Variants in EFR3B observed in about 807,000 individuals in gnomAD.
EFR3B encodes the protein protein EFR3 homolog B.
A neutral mutation model predicts 104.7 loss-of-function variants in EFR3B; 64 were observed. The observed-to-expected ratio is 0.61, with a 90% CI of 0.50 to 0.75. The LOEUF is 0.75. Ranked by LOEUF, EFR3B falls within the 30% of genes least tolerant of loss-of-function variation. The pLI is 0.00. For missense variants in EFR3B, 750 were observed against 1,078.5 expected, an observed-to-expected ratio of 0.70 and a Z score of 4.27; for synonymous variants, 385 against 417.9, an observed-to-expected ratio of 0.92 and a Z score of 0.96.
At chr2:25,120,645 AAAC>A (rs113749302) in intron 4 of EFR3B, among the ~76,000 whole-genome samples, 29,670 of 151,560 alleles carry the variant, frequency 0.2, 3,578 homozygotes, top group Admixed American at 0.35. Flanking sequence ...TCCGTCTCAA[AAAC>A]AACAACAACA....
chr2:25,061,488 G>A (rs940844430), intron 1 of EFR3B, among the ~76,000 whole-genome samples: 2 of 150,988 alleles, frequency 1.3e-5, no homozygotes, highest in South Asian at 2.1e-4. Context: ...ACACCAATAA[G>A]CTTTATTTAC....
At position 25,091,282 on chromosome 2, in the gene EFR3B, G is replaced by C. The variant is rs754666207; in HGVS notation, c.8-43G>C. On this transcript the variant is annotated intron_variant, in intron 1 of 22. Coordinates refer to ENST00000403714, the MANE Select transcript of EFR3B (RefSeq NM_014971.2). Reference sequence around the variant, plus strand: ...CCTGGCTCCAACCTTTCCTGGGCCCGACCAGGAGGCTTTGCTCACAGTTTT... The same window carrying C: ...CCTGGCTCCAACCTTTCCTGGGCCCCACCAGGAGGCTTTGCTCACAGTTTT... 3.2e-6 allele frequency: 5 copies of C among 1,541,048 alleles called. No homozygotes were observed. In the South Asian group the frequency reaches 4.8e-5, roughly 15 times the overall value.
chr2:25,048,873 T>C (rs1366021617), intron 1 of EFR3B, among the ~76,000 whole-genome samples: 1 of 152,216 alleles, frequency 6.6e-6, no homozygotes, highest in Non-Finnish European at 1.5e-5. Flanking sequence ...CTCTGTCTTG[T>C]GTCTTTATTT....
intron 19 of EFR3B, chr2:25,145,872 C>G (rs1670797585): frequency 6.6e-6 from 1 of 151,886 alleles, no homozygotes; most frequent in African/African-American, 2.4e-5. Context: ...TGGTGCATTT[C>G]TTACAGTTCA....
chr2:25,133,277 C>A, intron 11 of EFR3B, 106 bp from the exon 12 acceptor site: 1 of 1,258,764 alleles, frequency 7.9e-7, no homozygotes, highest in African/African-American at 1.5e-5. Flanking sequence ...GGTAACCCAA[C>A]ACGATAAGCC....
intron 1 of EFR3B, among the ~76,000 whole-genome samples, chr2:25,069,866 T>G (rs956458566): frequency 3.9e-5 from 6 of 152,094 alleles, no homozygotes; most frequent in Non-Finnish European, 8.8e-5. Context: ...CTGGCTAATT[T>G]TTTTGTATTT....
intron 12 of EFR3B, among the ~76,000 whole-genome samples, chr2:25,133,942 A>G (rs72852533): frequency 0.061 from 9,355 of 152,236 alleles, 715 homozygotes; most frequent in East Asian, 0.3. Context: ...TTCCGATGAC[A>G]GTCTTGTGAT....
At chr2:25,105,605 C>T (rs1419599113) in intron 4 of EFR3B, among the ~76,000 whole-genome samples, 2 of 152,210 alleles carry the variant, frequency 1.3e-5, no homozygotes, top group African/African-American at 4.8e-5. Context: ...GAGCCAGCTG[C>T]CTTTGACACA....
rs2149215148 is a variant in EFR3B at position 25,151,957 on chromosome 2, G to A, written c.2235G>A (p.Arg745=). 1 of 1,551,744 alleles carries A rather than the reference G, an allele frequency of 6.4e-7. No individual in the cohort carries two copies. The highest frequency in any genetic ancestry group is 8.7e-7 in the Non-Finnish European group (1 of 1,147,010). ...AVEEQERERR[R]QVVEKFQKAP... The stretch of plus-strand genomic sequence containing the variant: ...AGGAGCAGGAGCGTGAGCGGCGGCG[G>A]CAGGTGGTGGAGAAGTTCCAGAAGG... Residue 745 remains arginine, a synonymous_variant, in exon 21 of 23, where the codon CGG becomes CGA. Coordinates refer to ENST00000403714, the MANE Select transcript of EFR3B (RefSeq NM_014971.2).
chr2:25,080,099 C>A, intron 1 of EFR3B: 1 of 972,260 alleles, frequency 1.0e-6, no homozygotes. Flanking sequence ...TCAATTTCCA[C>A]ATCTTTTACT....
chr2:25,121,866 C>A, intron 5 of EFR3B, 72 bp downstream of exon 5: 1 of 1,540,570 alleles, frequency 6.5e-7, no homozygotes, highest in Non-Finnish European at 8.8e-7. Flanking sequence ...TAGATAACTT[C>A]CAACCTGCCA....
rs1184259676 is a variant in EFR3B at position 25,106,233 on chromosome 2, G to A, written c.363+2446G>A. ...CTTTGTGAGGGGAAAGGGGGCCTAG[G>A]AGAGGAGGAATAGAAGTCTCTAGGC... On this transcript the variant is annotated intron_variant, in intron 4 of 22. Transcript: ENST00000403714. Among the ~76,000 whole-genome samples, 5 of 152,240 alleles carry A rather than the reference G, an allele frequency of 3.3e-5. No homozygotes were observed. In the East Asian group the frequency reaches 9.7e-4, roughly 29 times the overall value.
chr2:25,156,891 G>A lies in EFR3B; in HGVS notation c.*2551G>A, dbSNP rs181376267. 3 of 152,272 alleles carry A rather than the reference G, an allele frequency of 2.0e-5. No individual in the cohort carries two copies. The highest frequency in any genetic ancestry group is 6.5e-5 in the Admixed American group (1 of 15,296). The allele number at this position is 152,272 out of a possible 1,614,324, so 9.4% of individuals were successfully genotyped here. ...CAGGTTTTATCCTGCACCCAGCTTG[G>A]ATGAGAGACCCACTGTTTCTTGTGC... On this transcript the variant is annotated 3_prime_UTR_variant, in exon 23 of 23. Coordinates refer to ENST00000403714, the MANE Select transcript of EFR3B (RefSeq NM_014971.2).
Position 25,130,230 on chromosome 2 carries a change from C to A in EFR3B, c.770+121C>A. The A allele has an allele frequency of 7.0e-7, 1 of 1,419,326 alleles. No individual in the cohort carries two copies. The highest frequency in any genetic ancestry group is 9.5e-7 in the Non-Finnish European group (1 of 1,052,786). The allele number at this position is 1,419,326 out of a possible 1,614,324, so 87.9% of individuals were successfully genotyped here. On this transcript the variant is annotated intron_variant, in intron 7 of 22. Coordinates refer to ENST00000403714, the MANE Select transcript of EFR3B (RefSeq NM_014971.2). This position sits in a 1 kb window ranked among gnomAD's most constrained non-coding sequence, Gnocchi z 4.6. ...TACAGTTGTGGTGCCGCAGCCGAGT[C>A]GATCCCTTCCCTGTGCCTGTGTTCC... is the stretch of plus-strand genomic sequence containing the variant.
chr2:25,070,450 T>C (rs927978495), intron 1 of EFR3B, among the ~76,000 whole-genome samples: 4 of 151,928 alleles, frequency 2.6e-5, no homozygotes, highest in Admixed American at 6.6e-5. Flanking sequence ...TTAGTAGAGA[T>C]GGGGGTTTCA....
chr2:25,049,971 A>T (rs1458383568), intron 1 of EFR3B, among the ~76,000 whole-genome samples: 1 of 151,446 alleles, frequency 6.6e-6, no homozygotes, highest in Admixed American at 6.6e-5. Context: ...AAAAAAAAAA[A>T]AATAGAAAAT....
intron 16 of EFR3B, 48 bp from the exon 17 acceptor site, chr2:25,141,318 C>G: frequency 1.3e-6 from 2 of 1,542,408 alleles, no homozygotes; most frequent in Non-Finnish European, 1.8e-6. Flanking sequence ...CCTGTGAGCT[C>G]CCTCTCCCTG....
chr2:25,056,774 C>A (rs1668033268), intron 1 of EFR3B, among the ~76,000 whole-genome samples: 1 of 152,130 alleles, frequency 6.6e-6, no homozygotes, highest in Admixed American at 6.5e-5. Context: ...AAACGTTCTC[C>A]TCTCCCCCAG....
At chr2:25,096,175 C>T (rs1325303820) in intron 3 of EFR3B, among the ~76,000 whole-genome samples, 1 of 152,180 alleles carries the variant, frequency 6.6e-6, no homozygotes, top group Admixed American at 6.5e-5. Context: ...GCCACCACAC[C>T]TGGCTAATTT....
Sources: allele counts gnomAD v4.1 joint callset (sites outside exome capture counted in the v4.1 genomes callset), GRCh38; gene constraint gnomAD v4.1.1; non-coding constraint Gnocchi (gnomAD v3.1); transcripts MANE v1.5; gene names NCBI Gene and HGNC (gene_info 2026-07-23, HGNC 2026-07-21).